Variants in MYO16 observed in about 807,000 individuals in gnomAD.
MYO16 encodes unconventional myosin-XVI.
In MYO16, 94 loss-of-function variants were observed where a neutral mutation model predicts 205.3. That is an observed-to-expected ratio of 0.46 (90% CI 0.39 to 0.54). The LOEUF (loss-of-function observed/expected upper bound fraction) is 0.54, where lower values mean the gene tolerates loss of function less well. MYO16 is among the 20% of genes least tolerant of loss of function. MYO16 has a pLI of 0.00. For synonymous variants in MYO16, 988 were observed against 954.0 expected, an observed-to-expected ratio of 1.04 and a Z score of -0.66; for missense variants, 2,315 against 2,387.5, an observed-to-expected ratio of 0.97 and a Z score of 0.63.
chr13:109,095,509 G>A (rs1888749604), intron 27 of MYO16, among the ~76,000 whole-genome samples: 1 of 152,184 alleles, frequency 6.6e-6, no homozygotes, highest in Non-Finnish European at 1.5e-5. Context: ...CACTAACATA[G>A]AGTATGTCAT....
intron 20 of MYO16, among the ~76,000 whole-genome samples, chr13:108,990,585 T>C (rs901882546): frequency 6.6e-6 from 1 of 152,154 alleles, no homozygotes; most frequent in Non-Finnish European, 1.5e-5. Context: ...CCATGTAGAG[T>C]TTATTTGTAC....
chr13:109,199,192 G>GTGTATATA (rs1880290597), intron 34 of MYO16, among the ~76,000 whole-genome samples: 2 of 75,622 alleles, frequency 2.6e-5, no homozygotes, highest in African/African-American at 5.2e-5. Flanking sequence ...AATAAAAAAG[G>GTGTATATA]TATATATATA....
intron 15 of MYO16, among the ~76,000 whole-genome samples, chr13:108,904,065 T>C (rs1310336652): frequency 2.6e-5 from 4 of 152,218 alleles, no homozygotes. Context: ...AGTTACACTT[T>C]TATAATTTAA....
intron 12 of MYO16, among the ~76,000 whole-genome samples, chr13:108,871,320 CTTTGTG>C (rs1361347068): frequency 4.9e-5 from 4 of 80,998 alleles, no homozygotes; most frequent in Non-Finnish European, 1.0e-4. Context: ...TACTATGTGA[CTTTGTG>C]TGTGTGTGTG....
intron 4 of MYO16, among the ~76,000 whole-genome samples, chr13:108,730,817 C>T (rs1314090493): frequency 3.9e-5 from 6 of 152,168 alleles, no homozygotes; most frequent in African/African-American, 1.4e-4. Flanking sequence ...TCAGACTCAG[C>T]GCTAAGTTCA....
intron 6 of MYO16, among the ~76,000 whole-genome samples, chr13:108,799,627 G>A (rs1284808519): frequency 6.6e-6 from 1 of 152,134 alleles, no homozygotes; most frequent in East Asian, 1.9e-4. Context: ...AGAAAATAAA[G>A]CTATTTTCTC....
chr13:108,734,241 T>C (rs757438106), intron 4 of MYO16, among the ~76,000 whole-genome samples: 3 of 152,056 alleles, frequency 2.0e-5, no homozygotes, highest in Non-Finnish European at 2.9e-5. Flanking sequence ...AAATCTTTGA[T>C]GCAATAAAAC....
intron 4 of MYO16, among the ~76,000 whole-genome samples, chr13:108,785,280 C>T (rs1230020923): frequency 6.6e-6 from 1 of 152,090 alleles, no homozygotes; most frequent in African/African-American, 2.4e-5. Flanking sequence ...TCTTTGAAGG[C>T]ATCAGACACC....
the MYO16 span, among the ~76,000 whole-genome samples, chr13:108,581,872 G>C: frequency 2.8e-5 from 4 of 141,256 alleles, no homozygotes; most frequent in Admixed American, 2.2e-4. Context: ...GAAGCGAAAC[G>C]CTGTCTCGAA....
chr13:109,087,119 G>A (rs764240538), intron 27 of MYO16, among the ~76,000 whole-genome samples: 20 of 152,170 alleles, frequency 1.3e-4, no homozygotes, highest in African/African-American at 4.1e-4. Flanking sequence ...CACACTTTCC[G>A]AAGGAGGTGT....
intron 4 of MYO16, among the ~76,000 whole-genome samples, chr13:108,776,662 A>G (rs937074198): frequency 1.3e-5 from 2 of 152,180 alleles, no homozygotes; most frequent in Admixed American, 6.5e-5. Flanking sequence ...ATATTTTTAA[A>G]AAGACACACT....
chr13:109,013,112 C>CCG (rs1566460715), intron 22 of MYO16, among the ~76,000 whole-genome samples: 2 of 33,066 alleles, frequency 6.0e-5, no homozygotes, highest in Non-Finnish European at 1.7e-4. Flanking sequence ...TACCCCTCCC[C>CCG]CACCCCCCCC....
intron 28 of MYO16, among the ~76,000 whole-genome samples, chr13:109,109,466 TA>T (rs1889217740): frequency 6.6e-6 from 1 of 152,158 alleles, no homozygotes; most frequent in African/African-American, 2.4e-5. Context: ...GCTTTAAATG[TA>T]AAAAAGTGGT....
intron 16 of MYO16, among the ~76,000 whole-genome samples, chr13:108,911,360 G>C (rs1001154391): frequency 6.6e-6 from 1 of 152,166 alleles, no homozygotes; most frequent in Non-Finnish European, 1.5e-5. Context: ...GAACAGAGGA[G>C]CAGGTGGGTG....
At chr13:108,908,418 G>A (rs1283765047) in intron 15 of MYO16, among the ~76,000 whole-genome samples, 1 of 152,182 alleles carries the variant, frequency 6.6e-6, no homozygotes, top group East Asian at 1.9e-4. Flanking sequence ...ATTGTAAATA[G>A]TGGTTCTAGT....
In MYO16 at chr13:108,629,821, A is replaced by G. The variant is rs1378933633; in HGVS notation, c.-24A>G. The G allele has an allele frequency of 2.6e-6, 4 of 1,526,782 alleles. No homozygotes were observed. The Admixed American group carries it at 7.9e-5, about 30-fold the overall frequency. The allele number at this position is 1,526,782 out of a possible 1,614,324, so 94.6% of individuals were successfully genotyped here. A position where few individuals can be genotyped will look rare whatever the true frequency, so the allele number is the denominator to read the frequency against. On this transcript the variant is annotated 5_prime_UTR_variant, in exon 1 of 35. Coordinates refer to ENST00000457511, the MANE Select transcript of MYO16 (RefSeq NM_001198950.3). ...AGAAGAGAATGCTGGAACCCGTAGC[A>G]AGATTCCTGTCTGAGATGGAAAGAT...
At chr13:108,889,393 T>A (rs750551612) in intron 14 of MYO16, among the ~76,000 whole-genome samples, 42 of 152,288 alleles carry the variant, frequency 2.8e-4, no homozygotes, top group Non-Finnish European at 4.1e-4. Flanking sequence ...CTCAGAAATT[T>A]TACTCAAGGA....
the MYO16 span, among the ~76,000 whole-genome samples, chr13:108,555,864 C>T: frequency 6.6e-6 from 1 of 151,948 alleles, no homozygotes; most frequent in East Asian, 1.9e-4. Context: ...CATTTTGTTC[C>T]TGGTATATTT....
At position 108,961,880 on chromosome 13, in the gene MYO16, A is replaced by G. The variant is rs115765653; in HGVS notation, c.2155+224A>G. ...ATGTTCTCATTCTGTGCACCACATT[A>G]GCAACACTGATTCTTTAGCACATAC... On this transcript the variant is annotated intron_variant, in intron 18 of 34. Transcript: ENST00000457511. Among the ~76,000 whole-genome samples, 1,161 of 152,308 alleles carry G rather than the reference A, an allele frequency of 7.6e-3. 19 individuals carry two copies. Among genetic ancestry groups the G allele is most frequent in the African/African-American group, 0.026 (1,097 of 41,558 alleles).
Sources: gnomAD v4.1 joint callset for allele counts (sites outside exome capture counted in the v4.1 genomes callset) on GRCh38, gnomAD v4.1.1 for gene constraint, MANE v1.5 for transcripts, NCBI Gene and HGNC (gene_info 2026-07-23, HGNC 2026-07-21) for gene names.